The following GIPC2 variants were observed in gnomAD, a reference collection of about 807,000 sequenced individuals.
The protein encoded by GIPC2 is PDZ domain-containing protein GIPC2.
In GIPC2, 30 loss-of-function variants were observed where a neutral mutation model predicts 30.6. The observed-to-expected ratio is 0.98, with a 90% CI of 0.73 to 1.33. The LOEUF (loss-of-function observed/expected upper bound fraction) is 1.33. Ranked by LOEUF, GIPC2 falls within the 40% of genes most tolerant of loss-of-function variation. The pLI is 0.00. For missense variants in GIPC2, 414 were observed against 390.3 expected (o/e 1.06, Z -0.51); for synonymous variants, 167 against 150.0 (o/e 1.11, Z -0.83).
intron 3 of GIPC2, among the ~76,000 whole-genome samples, chr1:78,114,461 A>G (rs990772042): frequency 5.3e-5 from 8 of 152,162 alleles, no homozygotes; most frequent in Non-Finnish European, 7.4e-5. Flanking sequence ...GTTTTTGTCT[A>G]TAAACAGATT....
chr1:78,081,009 A>G, intron 2 of GIPC2, 149 bp downstream of exon 2: 1 of 495,770 alleles, frequency 2.0e-6, no homozygotes. Context: ...CATTTTAAAA[A>G]TGTTCAGATG....
chr1:78,095,942 G>A (rs1208743719), intron 3 of GIPC2, among the ~76,000 whole-genome samples: 2 of 152,142 alleles, frequency 1.3e-5, no homozygotes, highest in African/African-American at 4.8e-5. Context: ...TTTTCTCAGG[G>A]CAGTTATTGG....
chr1:78,045,887 T>C, upstream of GIPC2: 4 of 1,340,518 alleles, frequency 3.0e-6, no homozygotes, highest in Non-Finnish European at 3.8e-6. Context: ...TCTCTCCAGA[T>C]CCATCCCGGG....
rs1661808160 is a variant in GIPC2 at position 78,080,656 on chromosome 1, A to G, written c.241-19A>G. The G allele has an allele frequency of 1.3e-6, 2 of 1,496,002 alleles. No individual in the cohort carries two copies. Among genetic ancestry groups the G allele is most frequent in the African/African-American group, 1.4e-5 (1 of 71,664 alleles). The allele number at this position is 1,496,002 out of a possible 1,614,324, so 92.7% of individuals were successfully genotyped here. A position where few individuals can be genotyped will look rare whatever the true frequency, so the allele number is the denominator to read the frequency against. ...TATTCCAAGTGGAAATGGACCTGAC[A>G]TTTTATTTTTCTTTGCAGATCTTAT... On this transcript the variant is annotated intron_variant, in intron 1 of 5. Transcript: ENST00000370759.
intron 1 of GIPC2, among the ~76,000 whole-genome samples, chr1:78,049,564 A>G (rs1358318799): frequency 6.6e-6 from 1 of 152,214 alleles, no homozygotes; most frequent in African/African-American, 2.4e-5. Context: ...TGGTGGCTGT[A>G]AGGATATAAA....
chr1:78,084,196 G>C (rs639677), intron 2 of GIPC2, among the ~76,000 whole-genome samples: 34,175 of 152,146 alleles, frequency 0.22, 4,179 homozygotes, highest in East Asian at 0.5. Context: ...TTCAGTGGTA[G>C]AATTAGAGAA....
intron 3 of GIPC2, among the ~76,000 whole-genome samples, chr1:78,107,222 A>C (rs571672892): frequency 1.3e-5 from 2 of 151,300 alleles, no homozygotes; most frequent in Admixed American, 1.3e-4. Flanking sequence ...GCAGTAGTGC[A>C]GTCACAGTTC....
At chr1:78,110,862 C>G (rs1662453719) in intron 3 of GIPC2, among the ~76,000 whole-genome samples, 1 of 152,198 alleles carries the variant, frequency 6.6e-6, no homozygotes, top group South Asian at 2.1e-4. Context: ...TTGATAACAT[C>G]TCTCCCTATG....
At chr1:78,126,016 A>G in intron 5 of GIPC2, 54 bp downstream of exon 5, 1 of 821,514 alleles carries the variant, frequency 1.2e-6, no homozygotes, top group Non-Finnish European at 2.1e-6. Context: ...CTTAATGTTT[A>G]TGTCTTGTTT....
At chr1:78,086,483 A>G (rs1397815063) in intron 2 of GIPC2, among the ~76,000 whole-genome samples, 1 of 151,944 alleles carries the variant, frequency 6.6e-6, no homozygotes, top group Non-Finnish European at 1.5e-5. Context: ...ATCTTTGTTA[A>G]TTTTCTACCT....
Position 78,091,505 on chromosome 1 carries a change from C to T in GIPC2, c.427-3447C>T, listed in dbSNP as rs189930482. The T allele has an allele frequency of 9.4e-4, 677 of 721,204 alleles. 2 individuals carry two copies. The highest frequency in any genetic ancestry group is 3.3e-3 in the African/African-American group (191 of 58,004). The allele number at this position is 721,204 out of a possible 1,614,324, so 44.7% of individuals were successfully genotyped here. A position where few individuals can be genotyped will look rare whatever the true frequency, so the allele number is the denominator to read the frequency against. ...TTCACCTCCCGCTGCGCTAATGGCT[C>T]CCAAAGGCAGCTCCAAACAGCCGTC... On this transcript the variant is annotated intron_variant, in intron 2 of 5. Coordinates refer to ENST00000370759, the MANE Select transcript of GIPC2 (RefSeq NM_017655.6).
Position 78,046,039 on chromosome 1 carries a change from G to T in GIPC2, c.-56G>T, listed in dbSNP as rs374969449. ...CCGGGGCGCAAAGTCCGAGGCGCCGGGGGGAGGAGGCGGCGGACGGCAGCG... is the reference window on the plus strand; with the variant it reads ...CCGGGGCGCAAAGTCCGAGGCGCCGTGGGGAGGAGGCGGCGGACGGCAGCG... On this transcript the variant is annotated 5_prime_UTR_variant, in exon 1 of 6. Transcript: ENST00000370759. 4.3e-6 allele frequency: 6 copies of T among 1,399,808 alleles called. No individual in the cohort carries two copies. Among genetic ancestry groups the T allele is most frequent in the Admixed American group, 3.7e-5 (1 of 26,698 alleles). The allele number at this position is 1,399,808 out of a possible 1,614,324, so 86.7% of individuals were successfully genotyped here.
At chr1:78,099,231 A>T (rs1443806385) in intron 3 of GIPC2, among the ~76,000 whole-genome samples, 1 of 152,098 alleles carries the variant, frequency 6.6e-6, no homozygotes, top group African/African-American at 2.4e-5. Context: ...AGCCTACTGT[A>T]TACCATCACC....
Position 78,101,525 on chromosome 1 carries a change from C to T in GIPC2, c.607+6393C>T, listed in dbSNP as rs74499381. On this transcript the variant is annotated intron_variant, in intron 3 of 5. Coordinates refer to ENST00000370759, the MANE Select transcript of GIPC2 (RefSeq NM_017655.6). ...TGTATATTTATGGGTCATGATATAA[C>T]GTATGTATTTTTTACTGTGGGTCAC... is the stretch of plus-strand genomic sequence containing the variant. Among the ~76,000 whole-genome samples the T allele has an allele frequency of 6.0e-3, 914 of 152,256 alleles. 9 individuals are homozygous for T. Among genetic ancestry groups the T allele is most frequent in the African/African-American group, 0.021 (864 of 41,540 alleles).
intron 1 of GIPC2, among the ~76,000 whole-genome samples, chr1:78,070,395 A>G (rs1661595206): frequency 6.6e-6 from 1 of 152,190 alleles, no homozygotes; most frequent in Non-Finnish European, 1.5e-5. Context: ...GGAAAATTTA[A>G]CAGCACCTGA....
intron 2 of GIPC2, 67 bp from the exon 3 acceptor site, chr1:78,094,885 C>A (rs1662107329): frequency 9.0e-7 from 1 of 1,114,050 alleles, no homozygotes; most frequent in Non-Finnish European, 1.3e-6. Flanking sequence ...CTTCCAAGAT[C>A]AGATGAGATT....
At chr1:78,076,859 C>T (rs1661725962) in intron 1 of GIPC2, among the ~76,000 whole-genome samples, 1 of 152,144 alleles carries the variant, frequency 6.6e-6, no homozygotes, top group African/African-American at 2.4e-5. Context: ...ACCTCTGCCT[C>T]CTGGGTTCAA....
At chr1:78,103,058 G>A (rs1278451251) in intron 3 of GIPC2, among the ~76,000 whole-genome samples, 12 of 152,178 alleles carry the variant, frequency 7.9e-5, no homozygotes, top group Non-Finnish European at 1.8e-4. Context: ...AACCTAAAAG[G>A]TGAAGCAGTT....
chr1:78,109,896 A>G (rs1200932550), intron 3 of GIPC2, among the ~76,000 whole-genome samples: 1 of 152,248 alleles, frequency 6.6e-6, no homozygotes, highest in East Asian at 1.9e-4. Context: ...AGGGACGTGG[A>G]TGAAGCTAGA....
Sources: gnomAD v4.1 joint callset for allele counts (sites outside exome capture counted in the v4.1 genomes callset) on GRCh38, gnomAD v4.1.1 for gene constraint, MANE v1.5 for transcripts, NCBI Gene and HGNC (gene_info 2026-07-23, HGNC 2026-07-21) for gene names.